Variants in CCNY observed in about 807,000 individuals in gnomAD.
The protein encoded by CCNY is cyclin Y.
In CCNY, 19 loss-of-function variants were observed where a neutral mutation model predicts 42.8. The observed-to-expected ratio is 0.44, with a 90% CI of 0.31 to 0.65. CCNY has a LOEUF of 0.65. Among genes scored for constraint, CCNY ranks in the 30% least tolerant of loss-of-function variants. CCNY has a pLI of 0.07. For synonymous variants in CCNY, 165 were observed against 162.7 expected (o/e 1.01, Z -0.11); for missense variants, 370 against 437.3 (o/e 0.85, Z 1.37).
intron 5 of CCNY, among the ~76,000 whole-genome samples, chr10:35,527,853 A>G (rs916116606): frequency 5.3e-5 from 8 of 152,118 alleles, no homozygotes; most frequent in Non-Finnish European, 7.3e-5. Context: ...CTGGTGATAG[A>G]CCTGTTAGCT....
chr10:35,336,112 A>T (rs2135110316), upstream of CCNY: 1 of 152,294 alleles, frequency 6.6e-6, no homozygotes, highest in South Asian at 2.1e-4. Context: ...AAAGACAAAA[A>T]GAGCCAGCCC....
chr10:35,570,481 A>G lies in CCNY; in HGVS notation c.*1311A>G. The G allele has an allele frequency of 6.6e-6, 1 of 152,328 alleles. No homozygotes were observed. Among genetic ancestry groups the G allele is most frequent in the East Asian group, 1.9e-4 (1 of 5,318 alleles). 9.4% of individuals were successfully genotyped at this position (152,328 alleles called of 1,614,324 possible). Reference sequence around the variant, plus strand: ...TATGGACTCAATAAGAATCTTTTATATCAAGTAAAATGAAAGTTGATGATA... The same window carrying G: ...TATGGACTCAATAAGAATCTTTTATGTCAAGTAAAATGAAAGTTGATGATA... On this transcript the variant is annotated 3_prime_UTR_variant, in exon 10 of 10. Transcript: ENST00000374704.
chr10:35,529,827 G>A (rs112935035), intron 5 of CCNY, 146 bp from the exon 6 acceptor site: 13,949 of 667,624 alleles, frequency 0.021, 207 homozygotes, highest in Middle Eastern at 0.046. Context: ...CTGAGATGGC[G>A]CCACTGCACT....
At chr10:35,291,070 A>G (rs1270546414) in intron 3 of CCNY, among the ~76,000 whole-genome samples, 1 of 151,794 alleles carries the variant, frequency 6.6e-6, no homozygotes, top group African/African-American at 2.4e-5. Flanking sequence ...CAATGGTGCA[A>G]TCTCGGCTCA....
At chr10:35,271,186 T>C (rs1030164397) in intron 3 of CCNY, among the ~76,000 whole-genome samples, 2 of 152,146 alleles carry the variant, frequency 1.3e-5, no homozygotes, top group Admixed American at 6.6e-5. Flanking sequence ...GGAAAACCAC[T>C]GTCCCCAGAA....
intron 8 of CCNY, among the ~76,000 whole-genome samples, chr10:35,554,476 A>G (rs1841323265): frequency 6.6e-6 from 1 of 152,220 alleles, no homozygotes; most frequent in Non-Finnish European, 1.5e-5. Context: ...GAAAACAGCT[A>G]CTAAAATAGT....
intron 1 of CCNY, among the ~76,000 whole-genome samples, chr10:35,371,386 G>T (rs1194241007): frequency 6.6e-6 from 1 of 152,160 alleles, no homozygotes; most frequent in Non-Finnish European, 1.5e-5. Flanking sequence ...TGTCTTCCTT[G>T]CCTTTATCTC....
intron 1 of CCNY, among the ~76,000 whole-genome samples, chr10:35,392,991 G>A (rs756871930): frequency 1.3e-5 from 2 of 152,012 alleles, no homozygotes; most frequent in Admixed American, 6.5e-5. Context: ...CCCGGCCTAC[G>A]TTCAGCAAGA....
chr10:35,359,871 T>C (rs1002600259), intron 1 of CCNY, among the ~76,000 whole-genome samples: 2 of 152,290 alleles, frequency 1.3e-5, no homozygotes, highest in African/African-American at 4.8e-5. Flanking sequence ...ATTTGCCTTC[T>C]TGGAACTGGC....
chr10:35,409,826 C>T (rs1837865102), intron 1 of CCNY, among the ~76,000 whole-genome samples: 2 of 151,996 alleles, frequency 1.3e-5, no homozygotes, highest in Non-Finnish European at 2.9e-5. Context: ...ATGATCACGG[C>T]ACACTGCAGC....
intron 1 of CCNY, among the ~76,000 whole-genome samples, chr10:35,367,340 G>A (rs1836831322): frequency 6.6e-6 from 1 of 152,074 alleles, no homozygotes; most frequent in African/African-American, 2.4e-5. Context: ...GGAGCCTTGG[G>A]CCTGGTGCCT....
intron 1 of CCNY, among the ~76,000 whole-genome samples, chr10:35,386,783 A>G (rs1419153423): frequency 6.6e-6 from 1 of 151,966 alleles, no homozygotes; most frequent in African/African-American, 2.4e-5. Context: ...ATGCATTCTT[A>G]GATATGTCAA....
intron 1 of CCNY, among the ~76,000 whole-genome samples, chr10:35,419,548 T>TTTTTTTTTTTTTTTC (rs1838111607): frequency 6.8e-6 from 1 of 146,180 alleles, no homozygotes; most frequent in East Asian, 2.3e-4. Flanking sequence ...TTTTTTTTTT[T>TTTTTTTTTTTTTTTC]AGCAATCTGG....
intron 1 of CCNY, among the ~76,000 whole-genome samples, chr10:35,432,419 C>T (rs543748063): frequency 1.3e-5 from 2 of 152,320 alleles, no homozygotes; most frequent in South Asian, 4.1e-4. Flanking sequence ...ACCAATATTT[C>T]TGTCAAACTG....
chr10:35,293,877 G>C (rs1835442620), intron 3 of CCNY, among the ~76,000 whole-genome samples: 1 of 148,632 alleles, frequency 6.7e-6, no homozygotes, highest in Admixed American at 6.8e-5. Context: ...TGCAACCTCT[G>C]CCTCCTGGGT....
intron 3 of CCNY, among the ~76,000 whole-genome samples, chr10:35,316,619 T>C (rs1021580448): frequency 2.0e-5 from 3 of 152,214 alleles, no homozygotes; most frequent in African/African-American, 7.2e-5. Context: ...ACTGTTTATG[T>C]TTACTGAATT....
chr10:35,460,565 AGCATCAAGCT>A (rs1290210833), intron 1 of CCNY, among the ~76,000 whole-genome samples: 41 of 152,390 alleles, frequency 2.7e-4, no homozygotes, highest in African/African-American at 9.9e-4. Context: ...TCATTCAGTA[AGCATCAAGCT>A]ACTGTTATTA....
chr10:35,453,692 CTT>C (rs1432466854), intron 1 of CCNY, among the ~76,000 whole-genome samples: 1 of 152,270 alleles, frequency 6.6e-6, no homozygotes, highest in African/African-American at 2.4e-5. Context: ...TGATTAGAAA[CTT>C]TTAAGAATCT....
chr10:35,568,084 C>T (rs555221933), intron 9 of CCNY, among the ~76,000 whole-genome samples: 22 of 152,258 alleles, frequency 1.4e-4, no homozygotes, highest in African/African-American at 3.1e-4. Context: ...TGAGACAAGC[C>T]GGAGCTCCTG....
Sources: gnomAD v4.1 joint callset for allele counts (sites outside exome capture counted in the v4.1 genomes callset) on GRCh38, gnomAD v4.1.1 for gene constraint, MANE v1.5 for transcripts, NCBI Gene and HGNC (gene_info 2026-07-23, HGNC 2026-07-21) for gene names.